Variants in COL4A2 observed in about 807,000 individuals in gnomAD.
The protein encoded by COL4A2 is collagen type IV alpha 2 chain, also known as collagen alpha-2(IV) chain.
Under a neutral mutation model 200.2 loss-of-function variants are expected in COL4A2, and 99 were observed. That is an observed-to-expected ratio of 0.49 (90% CI 0.42 to 0.58). COL4A2 has a LOEUF of 0.58. COL4A2 is among the 20% of genes least tolerant of loss of function. COL4A2 has a pLI of 0.00. For missense variants in COL4A2, 1,950 were observed against 2,314.1 expected (o/e 0.84, Z 3.23); for synonymous variants, 897 against 900.6 (o/e 1.00, Z 0.07).
intron 34 of COL4A2, among the ~76,000 whole-genome samples, chr13:110,488,949 G>T (rs987151176): frequency 6.6e-6 from 1 of 152,198 alleles, no homozygotes; most frequent in African/African-American, 2.4e-5. Context: ...GAACAGCAAG[G>T]CCAGGTGCAG....
chr13:110,491,437 C>T (rs1883282019), intron 37 of COL4A2, 97 bp downstream of exon 37: 1 of 840,498 alleles, frequency 1.2e-6, no homozygotes, highest in Non-Finnish European at 2.0e-6. Context: ...CCAATCACAC[C>T]CAACCCTGGA....
chr13:110,383,395 G>T (rs1396025601), intron 4 of COL4A2, among the ~76,000 whole-genome samples: 1 of 152,176 alleles, frequency 6.6e-6, no homozygotes, highest in African/African-American at 2.4e-5. Context: ...GATGGATTCA[G>T]AAATTAATCA....
intron 4 of COL4A2, among the ~76,000 whole-genome samples, chr13:110,422,682 AT>A (rs1430150927): frequency 6.6e-6 from 1 of 152,158 alleles, no homozygotes; most frequent in Non-Finnish European, 1.5e-5. Context: ...GGGTCCCAAG[AT>A]TCGGGATACA....
intron 11 of COL4A2, among the ~76,000 whole-genome samples, chr13:110,433,724 C>A (rs989327438): frequency 5.3e-5 from 8 of 152,190 alleles, no homozygotes; most frequent in African/African-American, 1.9e-4. Flanking sequence ...GAGGACAGTG[C>A]CCGTGATGTG....
At position 110,512,148 on chromosome 13, in the gene COL4A2, G is replaced by C; in HGVS notation, c.5096G>C (p.Arg1699Pro). Residue 1699 changes from arginine (R) to proline (P), a missense_variant, in exon 48 of 48, where the codon CGC becomes CCC. Arg to Pro is a moderately radical substitution (Grantham distance 103). Transcript: ENST00000360467. The stretch of plus-strand genomic sequence containing the variant: ...GACACGCTCAAGGCCGGCCTCATCC[G>C]CACACACATCAGCCGCTGCCAGGTG... ...SADTLKAGLI[R>P]THISRCQVCM... 6.2e-7 allele frequency: 1 copy of C among 1,613,208 alleles called. No homozygotes were observed. The highest frequency in any genetic ancestry group is 8.5e-7 in the Non-Finnish European group (1 of 1,179,998).
chr13:110,345,600 T>A (rs1876661714), intron 3 of COL4A2, among the ~76,000 whole-genome samples: 1 of 152,170 alleles, frequency 6.6e-6, no homozygotes, highest in Non-Finnish European at 1.5e-5. Flanking sequence ...TCACCCGTTC[T>A]TTTTAACCTG....
chr13:110,342,694 C>A (rs1594158149), intron 3 of COL4A2, among the ~76,000 whole-genome samples: 1 of 152,150 alleles, frequency 6.6e-6, no homozygotes, highest in Admixed American at 6.5e-5. Context: ...ACAAGACCGC[C>A]CCCACGAAAC....
At chr13:110,486,188 G>A (rs374508693) in intron 34 of COL4A2, among the ~76,000 whole-genome samples, 7 of 152,204 alleles carry the variant, frequency 4.6e-5, no homozygotes, top group African/African-American at 2.4e-5. Context: ...GCCCATGGCC[G>A]AATCACAGCG....
intron 28 of COL4A2, among the ~76,000 whole-genome samples, chr13:110,472,467 G>GC (rs1882517342): frequency 6.6e-6 from 1 of 152,136 alleles, no homozygotes; most frequent in Non-Finnish European, 1.5e-5. Context: ...GACAGTGACG[G>GC]GTTTCTACCA....
intron 4 of COL4A2, among the ~76,000 whole-genome samples, chr13:110,362,376 C>T (rs935521055): frequency 1.3e-5 from 2 of 152,168 alleles, no homozygotes; most frequent in African/African-American, 2.4e-5. Context: ...ACAAGGTGCC[C>T]GCCCCTAGCA....
intron 3 of COL4A2, among the ~76,000 whole-genome samples, chr13:110,321,044 TA>T (rs1885260966): frequency 6.6e-6 from 1 of 152,104 alleles, no homozygotes; most frequent in African/African-American, 2.4e-5. Flanking sequence ...TTTCCTGTAA[TA>T]AAAAATAAAA....
At chr13:110,393,421 GTAT>G (rs1594188754) in intron 4 of COL4A2, among the ~76,000 whole-genome samples, 2 of 152,280 alleles carry the variant, frequency 1.3e-5, no homozygotes, top group East Asian at 3.9e-4. Flanking sequence ...ATACAATCCA[GTAT>G]AATGTAAGGC....
At chr13:110,504,724 G>C (rs1024647225) in intron 45 of COL4A2, among the ~76,000 whole-genome samples, 1 of 151,992 alleles carries the variant, frequency 6.6e-6, no homozygotes, top group African/African-American at 2.4e-5. Flanking sequence ...TCCTGTCTTA[G>C]CCTCCCAAGT....
intron 6 of COL4A2, among the ~76,000 whole-genome samples, chr13:110,427,113 T>C (rs1417840167): frequency 6.6e-6 from 1 of 152,218 alleles, no homozygotes; most frequent in African/African-American, 2.4e-5. Flanking sequence ...CGGAGAACTA[T>C]ATGTAGGATT....
intron 24 of COL4A2, chr13:110,463,422 G>A (rs947530288): frequency 6.6e-6 from 1 of 152,126 alleles, no homozygotes; most frequent in East Asian, 1.9e-4. Context: ...TAGGTCCTGG[G>A]GGTTAAGACT....
chr13:110,419,388 CTCTT>C (rs1170810860), intron 4 of COL4A2, among the ~76,000 whole-genome samples: 4 of 152,180 alleles, frequency 2.6e-5, no homozygotes, highest in African/African-American at 9.7e-5. Context: ...ATAAATGAAA[CTCTT>C]TCTACTCCCT....
At chr13:110,324,417 G>A (rs1390408086) in intron 3 of COL4A2, among the ~76,000 whole-genome samples, 1 of 152,232 alleles carries the variant, frequency 6.6e-6, no homozygotes, top group Non-Finnish European at 1.5e-5. Flanking sequence ...CTGGAGGAAG[G>A]AGCTTGCCTG....
chr13:110,309,104 C>A (rs939198223), intron 3 of COL4A2, among the ~76,000 whole-genome samples: 1 of 152,220 alleles, frequency 6.6e-6, no homozygotes, highest in African/African-American at 2.4e-5. Flanking sequence ...CAAACGTGTT[C>A]ATGATTTCAT....
At chr13:110,417,824 C>T (rs9515209) in intron 4 of COL4A2, among the ~76,000 whole-genome samples, 127,324 of 152,072 alleles carry the variant, frequency 0.84, 53,659 homozygotes, top group Non-Finnish European at 0.9. Context: ...AAATAGCAAT[C>T]CCAGGAGTGA....
Sources: gnomAD v4.1 joint callset for allele counts (sites outside exome capture counted in the v4.1 genomes callset) on GRCh38, gnomAD v4.1.1 for gene constraint, MANE v1.5 for transcripts, NCBI Gene and HGNC (gene_info 2026-07-23, HGNC 2026-07-21) for gene names.